The following ZNF69 variants were observed in gnomAD, a reference collection of about 807,000 sequenced individuals.
ZNF69 encodes the protein ZNF3.
Under a neutral mutation model 50.9 loss-of-function variants are expected in ZNF69, and 47 were observed. The ratio of observed to expected loss-of-function variants is 0.92; its 90% CI spans 0.73 to 1.18. ZNF69 has a LOEUF of 1.18. Ranked by LOEUF, ZNF69 falls within the 50% of genes most tolerant of loss-of-function variation. The probability of loss-of-function intolerance (pLI) is 0.00; values close to 1 mark genes in which losing one functional copy is unlikely to be tolerated. For missense variants in ZNF69, 717 were observed against 675.1 expected, an observed-to-expected ratio of 1.06 and a Z score of -0.69; for synonymous variants, 216 against 223.1, an observed-to-expected ratio of 0.97 and a Z score of 0.29.
rs747536391 is a variant in ZNF69 at position 11,900,928 on chromosome 19, C to T, written c.64-2645C>T. ...GGTCGTCTTGGTTTTCTCAGTGTTA[C>T]GTTCTAGAAATTGTGAGTTTTGCAT... On this transcript the variant is annotated intron_variant, in intron 1 of 3. Transcript: ENST00000429654. Among the ~76,000 whole-genome samples the T allele has an allele frequency of 5.5e-4, 83 of 152,156 alleles. 1 individual carries two copies. The highest frequency in any genetic ancestry group is 4.1e-4 in the South Asian group (2 of 4,826).
At chr19:11,950,252 A>G in the ZNF69 span, 2 of 1,605,452 alleles carry the variant, frequency 1.2e-6, no homozygotes, top group Admixed American at 3.5e-5. Context: ...GCATTCAGCT[A>G]GCCTGGTTCC....
At chr19:11,916,834 G>C (rs1481846846), downstream of ZNF69, among the ~76,000 whole-genome samples, 3 of 151,886 alleles carry the variant, frequency 2.0e-5, no homozygotes, top group Non-Finnish European at 4.4e-5. Flanking sequence ...TTGTAGTAAG[G>C]TGCTCTTGCA....
At chr19:11,947,974 T>C in the ZNF69 span, among the ~76,000 whole-genome samples, 2 of 152,232 alleles carry the variant, frequency 1.3e-5, no homozygotes, top group Non-Finnish European at 2.9e-5. Context: ...GATATCACTG[T>C]ACTCCAGCAT....
the ZNF69 span, among the ~76,000 whole-genome samples, chr19:11,976,633 G>A: frequency 1.3e-5 from 2 of 151,236 alleles, no homozygotes; most frequent in South Asian, 2.1e-4. Flanking sequence ...TTGGGAGGCC[G>A]AGGCTGGCGG....
At chr19:11,913,713 A>T (rs994101453) in exon 5 of ZNF69, 1 of 208,166 alleles carries the variant, frequency 4.8e-6, no homozygotes, top group East Asian at 1.0e-4. Flanking sequence ...TCATTCAGTC[A>T]TAATACCAAC....
chr19:11,914,310 C>G (rs1462547916), exon 5 of ZNF69: 1 of 134,422 alleles, frequency 7.4e-6, no homozygotes, highest in African/African-American at 3.0e-5. Context: ...AGCGAAACTC[C>G]GTTTCAAAAA....
At chr19:11,957,302 G>C in the ZNF69 span, among the ~76,000 whole-genome samples, 4 of 151,546 alleles carry the variant, frequency 2.6e-5, no homozygotes, top group Middle Eastern at 0.014. Flanking sequence ...CACCATGTTA[G>C]CCAGGATGAT....
At chr19:11,979,655 A>T in the ZNF69 span, 1 of 1,605,192 alleles carries the variant, frequency 6.2e-7, no homozygotes, top group East Asian at 2.2e-5. Flanking sequence ...GAAAGCCTTC[A>T]GATCTGCCTC....
Position 11,887,887 on chromosome 19 carries a change from C to T in ZNF69, c.-37C>T, listed in dbSNP as rs760978730. Reference sequence around the variant, plus strand: ...TTCCAGCCCCGAGAGGGACCTGGTTCCTCTGCCCAGGCTTCTGTCACTCTG... The same window carrying T: ...TTCCAGCCCCGAGAGGGACCTGGTTTCTCTGCCCAGGCTTCTGTCACTCTG... On this transcript the variant is annotated 5_prime_UTR_variant, in exon 1 of 4. Coordinates refer to ENST00000429654, the MANE Select transcript of ZNF69 (RefSeq NM_001364730.1). 9 of 1,597,122 alleles carry T rather than the reference C, an allele frequency of 5.6e-6. No homozygotes were observed. The highest frequency in any genetic ancestry group is 5.1e-5 in the Admixed American group (3 of 59,332).
At chr19:11,946,275 G>C in the ZNF69 span, among the ~76,000 whole-genome samples, 7 of 152,152 alleles carry the variant, frequency 4.6e-5, no homozygotes, top group Non-Finnish European at 7.3e-5. Context: ...TCTCTTGTCT[G>C]TTCTGGGTGG....
At chr19:11,901,421 G>T (rs537468) in intron 1 of ZNF69, among the ~76,000 whole-genome samples, 58,311 of 152,010 alleles carry the variant, frequency 0.38, 13,627 homozygotes, top group African/African-American at 0.65. Flanking sequence ...GTTCCAAAAA[G>T]GGAACACTAG....
the ZNF69 span, among the ~76,000 whole-genome samples, chr19:11,957,614 A>G: frequency 6.6e-6 from 1 of 151,916 alleles, no homozygotes; most frequent in Non-Finnish European, 1.5e-5. Context: ...GGAGGCTGAG[A>G]TGGGCAGATC....
the ZNF69 span, among the ~76,000 whole-genome samples, chr19:11,954,208 C>G: frequency 6.6e-6 from 1 of 152,060 alleles, no homozygotes; most frequent in Non-Finnish European, 1.5e-5. Flanking sequence ...GGAAAGAATG[C>G]AGATGTGGCA....
the ZNF69 span, among the ~76,000 whole-genome samples, chr19:11,921,755 G>A: frequency 4.6e-5 from 7 of 151,436 alleles, no homozygotes; most frequent in East Asian, 5.8e-4. Context: ...CACCTGCCTC[G>A]ACCTCCCAAA....
Position 11,906,214 on chromosome 19 carries a change from A to G in ZNF69, c.*116A>G. On this transcript the variant is annotated 3_prime_UTR_variant, in exon 4 of 4. Coordinates refer to ENST00000429654, the MANE Select transcript of ZNF69 (RefSeq NM_001364730.1). ...CTTCAGGTCTGCCCAGAACCTTCGA[A>G]TTCAGTAAAGGACACAAGCACACAT... 4.6e-6 allele frequency: 7 copies of G among 1,530,836 alleles called. No individual in the cohort carries two copies. The highest frequency in any genetic ancestry group is 6.1e-6 in the Non-Finnish European group (7 of 1,147,036). 94.8% of individuals were successfully genotyped at this position (1,530,836 alleles called of 1,614,324 possible).
In ZNF69 at chr19:11,903,906, A is replaced by T; in HGVS notation, c.192A>T (p.Gly64=). The T allele has an allele frequency of 1.2e-6, 2 of 1,613,446 alleles. No homozygotes were observed. The part of the protein sequence containing the change: ...LETFRNLTSV[G]KSWKDQNIEY... ...TATTTTTCTGTGTCTATATTTTAGGAAAAAGTTGGAAAGACCAGAACATTG... is the reference window on the plus strand; with the variant it reads ...TATTTTTCTGTGTCTATATTTTAGGTAAAAGTTGGAAAGACCAGAACATTG... The change falls in exon 3 of 4, where the codon GGA becomes GGT. Residue 64 remains glycine, a splice_region_variant and synonymous_variant. Coordinates refer to ENST00000429654, the MANE Select transcript of ZNF69 (RefSeq NM_001364730.1).
the ZNF69 span, among the ~76,000 whole-genome samples, chr19:11,967,611 G>T: frequency 2.0e-5 from 3 of 152,184 alleles, no homozygotes; most frequent in Non-Finnish European, 4.4e-5. Flanking sequence ...CACCGTGTTA[G>T]CCAGGATGGT....
chr19:11,948,042 G>A, the ZNF69 span, among the ~76,000 whole-genome samples: 2 of 152,150 alleles, frequency 1.3e-5, no homozygotes, highest in Non-Finnish European at 2.9e-5. Flanking sequence ...TTTAGTAATT[G>A]TAAAATAGTT....
the ZNF69 span, among the ~76,000 whole-genome samples, chr19:11,946,219 G>T: frequency 4.7e-4 from 71 of 152,072 alleles, no homozygotes; most frequent in African/African-American, 1.7e-3. Context: ...GTCTTAGATC[G>T]TAAATGAGCT....
Sources: allele counts gnomAD v4.1 joint callset (sites outside exome capture counted in the v4.1 genomes callset), GRCh38; gene constraint gnomAD v4.1.1; transcripts MANE v1.5; gene names NCBI Gene and HGNC (gene_info 2026-07-23, HGNC 2026-07-21).